The following PLCE1 variants were observed in gnomAD, a reference collection of about 807,000 sequenced individuals.
The protein encoded by PLCE1 is 1-phosphatidylinositol 4,5-bisphosphate phosphodiesterase epsilon-1.
A neutral mutation model predicts 242.8 loss-of-function variants in PLCE1; 119 were observed. The observed-to-expected ratio is 0.49, with a 90% CI of 0.42 to 0.57. PLCE1 has a LOEUF of 0.57. Ranked by LOEUF, PLCE1 falls within the 20% of genes least tolerant of loss-of-function variation. PLCE1 has a pLI of 0.00. For missense variants in PLCE1, 2,441 were observed against 2,788.8 expected (o/e 0.88, Z 2.81); for synonymous variants, 945 against 1,017.4 (o/e 0.93, Z 1.35).
rs1170023954 is a variant in PLCE1 at position 94,306,736 on chromosome 10, G to T, written c.5884+48G>T. ...TTAATAATTGTTGTAGCTAGGTGATGGATGCCAGAATTTCCTTATACTCTT... is the reference window on the plus strand; with the variant it reads ...TTAATAATTGTTGTAGCTAGGTGATTGATGCCAGAATTTCCTTATACTCTT... On this transcript the variant is annotated intron_variant, in intron 26 of 32. Coordinates refer to ENST00000371380, the MANE Select transcript of PLCE1 (RefSeq NM_016341.4). The surrounding 1 kb of genome is among the most constrained non-coding windows in gnomAD (Gnocchi z 5.7). 7.1e-7 allele frequency: 1 copy of T among 1,408,428 alleles called. No homozygotes were observed. The highest frequency in any genetic ancestry group is 9.9e-7 in the Non-Finnish European group (1 of 1,008,916). The allele number at this position is 1,408,428 out of a possible 1,614,324, so 87.2% of individuals were successfully genotyped here.
At chr10:94,070,805 C>T (rs112557935) in intron 2 of PLCE1, among the ~76,000 whole-genome samples, 1,794 of 152,252 alleles carry the variant, frequency 0.012, 14 homozygotes, top group Middle Eastern at 0.051. Flanking sequence ...CCATGTCTCC[C>T]CAGCTTCTAT....
rs776931321 is a variant in PLCE1, at chr10:94,245,554, G to A, written c.2421-392G>A. 1.6e-3 allele frequency among the ~76,000 whole-genome samples: 238 copies of A among 152,044 alleles called. 1 individual carries two copies. Among genetic ancestry groups the A allele is most frequent in the Non-Finnish European group, 6.0e-4 (41 of 67,954 alleles). On this transcript the variant is annotated intron_variant, in intron 7 of 32. Coordinates refer to ENST00000371380, the MANE Select transcript of PLCE1 (RefSeq NM_016341.4). ...TAGGCTGGAGTGCAGTGGCACGATC[G>A]CAGCTCACTGCAAGCTCCGCCTCCC...
intron 23 of PLCE1, among the ~76,000 whole-genome samples, chr10:94,295,833 TTTG>T (rs1405402301): frequency 2.4e-4 from 37 of 152,324 alleles, no homozygotes; most frequent in African/African-American, 8.4e-4. Context: ...TCATCTAGGT[TTTG>T]TTGTTCCATC....
intron 4 of PLCE1, among the ~76,000 whole-genome samples, chr10:94,185,715 G>T (rs190062247): frequency 6.6e-6 from 1 of 152,346 alleles, no homozygotes. Context: ...TAACTAGTGT[G>T]ATTTGTGCAG....
chr10:94,203,183 G>A (rs1408247366), intron 4 of PLCE1, among the ~76,000 whole-genome samples: 1 of 152,202 alleles, frequency 6.6e-6, no homozygotes, highest in Non-Finnish European at 1.5e-5. Flanking sequence ...ATTCAGGGAA[G>A]TCTCTGTGCC....
At chr10:94,158,306 T>A (rs1365346710) in intron 3 of PLCE1, among the ~76,000 whole-genome samples, 1 of 152,098 alleles carries the variant, frequency 6.6e-6, no homozygotes, top group South Asian at 2.1e-4. Context: ...ACTCCAGAGT[T>A]CCCCTCTTGT....
chr10:94,252,937 A>G (rs757757337), intron 9 of PLCE1, among the ~76,000 whole-genome samples: 1 of 152,190 alleles, frequency 6.6e-6, no homozygotes, highest in Non-Finnish European at 1.5e-5. Flanking sequence ...CAGCTTGTTC[A>G]AGGAAGCACA....
chr10:94,184,151 A>T (rs1300167672), intron 4 of PLCE1, among the ~76,000 whole-genome samples: 5 of 152,192 alleles, frequency 3.3e-5, no homozygotes, highest in African/African-American at 1.2e-4. Context: ...CACTGCTTTC[A>T]TGCTGACAAA....
At chr10:94,241,130 A>G (rs560618584) in intron 7 of PLCE1, among the ~76,000 whole-genome samples, 2 of 152,352 alleles carry the variant, frequency 1.3e-5, no homozygotes, top group Non-Finnish European at 2.9e-5. Context: ...TGGAATTATT[A>G]CCATCTGGCA....
intron 2 of PLCE1, among the ~76,000 whole-genome samples, chr10:94,093,887 A>G (rs2045179202): frequency 6.9e-6 from 1 of 145,664 alleles, no homozygotes. Flanking sequence ...AGTAAACCAG[A>G]GATGTGGAGT....
At chr10:94,125,398 A>G (rs553889264) in intron 2 of PLCE1, among the ~76,000 whole-genome samples, 1 of 145,448 alleles carries the variant, frequency 6.9e-6, no homozygotes, top group Non-Finnish European at 1.5e-5. Context: ...TTAGCGCCTT[A>G]TTTTTTTTTT....
intron 14 of PLCE1, among the ~76,000 whole-genome samples, chr10:94,264,693 T>C (rs1304966141): frequency 6.6e-6 from 1 of 151,940 alleles, no homozygotes; most frequent in Non-Finnish European, 1.5e-5. Flanking sequence ...AGCTAATTTT[T>C]GTATTTTTAC....
chr10:94,324,380 T>A lies in PLCE1; in HGVS notation c.6533T>A (p.Ile2178Asn). Residue 2178 changes from isoleucine to asparagine, a missense_variant, in exon 31 of 33, where the codon ATC (isoleucine) becomes AAC (asparagine). Physicochemically the swap from Ile to Asn is moderately radical, Grantham distance 149. Around this residue, in one of 5 missense-constraint regions of PLCE1, gnomAD observed 310 missense variants for 317.2 expected, o/e 0.98. Transcript: ENST00000371380. ...TLCKAKYSYS[I>N]LSNPNPSDYV... ...TGCAAAGCCAAATATTCCTACAGCA[T>A]CCTGAGCAACCCCAATCCAAGCGAC... The A allele has an allele frequency of 6.2e-7, 1 of 1,614,158 alleles. No individual in the cohort carries two copies. Among genetic ancestry groups the A allele is most frequent in the Non-Finnish European group, 8.5e-7 (1 of 1,180,020 alleles).
intron 3 of PLCE1, among the ~76,000 whole-genome samples, chr10:94,156,921 A>T (rs1229211688): frequency 6.6e-6 from 1 of 152,208 alleles, no homozygotes; most frequent in Non-Finnish European, 1.5e-5. Flanking sequence ...AGCAGAGACC[A>T]AATATATATA....
At chr10:94,075,661 G>A (rs1203208877) in intron 2 of PLCE1, among the ~76,000 whole-genome samples, 1 of 152,220 alleles carries the variant, frequency 6.6e-6, no homozygotes, top group Non-Finnish European at 1.5e-5. Flanking sequence ...CTGGAAATAT[G>A]TATGTCATGA....
rs1323748430 is a variant in PLCE1, at chr10:94,322,312, C to T, written c.6501+253C>T. ...GAGGCTGCAGTGAGCTATGACTGGC[C>T]ACTGCACTGCAGCCTGGATGACAGA... On this transcript the variant is annotated intron_variant, in intron 30 of 32. Coordinates refer to ENST00000371380, the MANE Select transcript of PLCE1 (RefSeq NM_016341.4). Among the ~76,000 whole-genome samples, 8 of 151,612 alleles carry T rather than the reference C, an allele frequency of 5.3e-5. 1 individual carries two copies. The highest frequency in any genetic ancestry group is 5.3e-4 in the Admixed American group (8 of 15,216).
rs150419417 is a variant in PLCE1 at position 94,255,840 on chromosome 10, G to A, written c.3554+791G>A. ...AAGTTTAAGAGATGTGGAGGTTCCA[G>A]ACAGAACCAAGCTAAAACAGGAACT... On this transcript the variant is annotated intron_variant, in intron 11 of 32. Transcript: ENST00000371380. 2.1e-5 allele frequency among the ~76,000 whole-genome samples: 3 copies of A among 146,166 alleles called. No homozygotes were observed. The East Asian group carries it at 6.1e-4, about 30-fold the overall frequency.
intron 1 of PLCE1, among the ~76,000 whole-genome samples, chr10:93,996,835 G>T (rs1023713857): frequency 2.0e-5 from 3 of 152,214 alleles, no homozygotes; most frequent in Non-Finnish European, 4.4e-5. Flanking sequence ...TATTTCAAGT[G>T]CTTGATAGCT....
chr10:94,029,643 T>A (rs942902023), intron 1 of PLCE1, among the ~76,000 whole-genome samples: 1 of 152,078 alleles, frequency 6.6e-6, no homozygotes, highest in Non-Finnish European at 1.5e-5. Flanking sequence ...GAGACATGAA[T>A]ATACTGGGAG....
Sources: gnomAD v4.1 joint callset for allele counts (sites outside exome capture counted in the v4.1 genomes callset) on GRCh38, gnomAD v4.1.1 for gene constraint, gnomAD v4.1.1 regional missense constraint, Gnocchi (gnomAD v3.1) non-coding constraint, MANE v1.5 for transcripts, NCBI Gene and HGNC (gene_info 2026-07-23, HGNC 2026-07-21) for gene names.